The following SPMIP2 variants were observed in gnomAD, a reference collection of about 807,000 sequenced individuals.
SPMIP2 encodes protein SPMIP2.
At chr4:159,000,494 CTTTTT>C in the SPMIP2 span, among the ~76,000 whole-genome samples, 1 of 129,994 alleles carries the variant, frequency 7.7e-6, no homozygotes. Context: ...TCTTCTTCTT[CTTTTT>C]TTTTTTTTTT....
At chr4:159,035,937 C>T in the SPMIP2 span, among the ~76,000 whole-genome samples, 1 of 152,094 alleles carries the variant, frequency 6.6e-6, no homozygotes, top group African/African-American at 2.4e-5. Flanking sequence ...TTTTATCGAC[C>T]TCCCCACTAG....
At chr4:159,029,118 A>G in the SPMIP2 span, among the ~76,000 whole-genome samples, 1 of 152,214 alleles carries the variant, frequency 6.6e-6, no homozygotes, top group Non-Finnish European at 1.5e-5. Flanking sequence ...AACATTATTT[A>G]TAAAATCTCC....
the SPMIP2 span, among the ~76,000 whole-genome samples, chr4:158,990,890 G>T: frequency 6.6e-6 from 1 of 152,016 alleles, no homozygotes; most frequent in Non-Finnish European, 1.5e-5. Context: ...AACGTTTGCA[G>T]ATAGCTCAAA....
the SPMIP2 span, among the ~76,000 whole-genome samples, chr4:159,043,589 C>T: frequency 1.8e-4 from 27 of 152,284 alleles, no homozygotes; most frequent in East Asian, 4.8e-3. Flanking sequence ...CCTCATGATC[C>T]GCCCGCCTCG....
chr4:158,893,200 C>T, the SPMIP2 span: 6 of 152,722 alleles, frequency 3.9e-5, 1 homozygote, highest in Admixed American at 3.3e-4. Flanking sequence ...AGGGATATAA[C>T]TGCTTTTTAC....
the SPMIP2 span, among the ~76,000 whole-genome samples, chr4:159,004,526 G>C: frequency 3.5e-3 from 530 of 152,058 alleles, 4 homozygotes; most frequent in African/African-American, 0.012. Flanking sequence ...CTTGACTTCA[G>C]GTAATCTGCC....
the SPMIP2 span, among the ~76,000 whole-genome samples, chr4:159,042,674 T>C: frequency 5.3e-5 from 8 of 152,124 alleles, no homozygotes; most frequent in African/African-American, 1.9e-4. Flanking sequence ...TTTGTTTTTG[T>C]TTTTTTGAGA....
At chr4:158,961,762 C>T in the SPMIP2 span, among the ~76,000 whole-genome samples, 1 of 152,002 alleles carries the variant, frequency 6.6e-6, no homozygotes, top group African/African-American at 2.4e-5. Flanking sequence ...TCCCTATAAA[C>T]AATTTGTTAT....
chr4:158,980,648 G>C, the SPMIP2 span, among the ~76,000 whole-genome samples: 1 of 152,146 alleles, frequency 6.6e-6, no homozygotes, highest in Non-Finnish European at 1.5e-5. Flanking sequence ...AACAGAAATA[G>C]CATCAACATC....
At chr4:158,955,286 G>A in the SPMIP2 span, among the ~76,000 whole-genome samples, 1 of 152,132 alleles carries the variant, frequency 6.6e-6, no homozygotes, top group African/African-American at 2.4e-5. Context: ...TAAGAGTAAG[G>A]ACTCTGTGTA....
the SPMIP2 span, among the ~76,000 whole-genome samples, chr4:159,077,995 T>C: frequency 6.6e-6 from 1 of 151,900 alleles, no homozygotes. Flanking sequence ...ATAAATAACA[T>C]AGAAAAAAAG....
At chr4:158,893,673 A>G in the SPMIP2 span, 1 of 1,581,920 alleles carries the variant, frequency 6.3e-7, no homozygotes, top group Non-Finnish European at 8.6e-7. Flanking sequence ...TCTCCTTCTA[A>G]AAGCAGGTTG....
the SPMIP2 span, among the ~76,000 whole-genome samples, chr4:159,048,390 A>G: frequency 9.3e-4 from 141 of 152,338 alleles, no homozygotes; most frequent in African/African-American, 3.1e-3. Flanking sequence ...CACGTACAAC[A>G]TTCAAAATGT....
At chr4:158,956,912 T>C in the SPMIP2 span, among the ~76,000 whole-genome samples, 4 of 152,170 alleles carry the variant, frequency 2.6e-5, no homozygotes, top group Non-Finnish European at 5.9e-5. Flanking sequence ...AATCGTCTCC[T>C]GGCTGATGTT....
the SPMIP2 span, among the ~76,000 whole-genome samples, chr4:158,919,100 A>G: frequency 5.3e-5 from 8 of 152,198 alleles, no homozygotes; most frequent in African/African-American, 1.9e-4. Context: ...CAGGATATCT[A>G]TCATCCCCCC....
At chr4:159,050,822 AT>A in the SPMIP2 span, among the ~76,000 whole-genome samples, 1 of 151,738 alleles carries the variant, frequency 6.6e-6, no homozygotes, top group Non-Finnish European at 1.5e-5. Flanking sequence ...ATAAAAAAAA[AT>A]CTTGGCCAGG....
At chr4:159,068,183 T>C in the SPMIP2 span, among the ~76,000 whole-genome samples, 19 of 152,110 alleles carry the variant, frequency 1.2e-4, no homozygotes, top group African/African-American at 1.9e-4. Flanking sequence ...GGATTATAAA[T>C]CATGCTGCTA....
At chr4:158,941,009 C>G in the SPMIP2 span, among the ~76,000 whole-genome samples, 2 of 152,158 alleles carry the variant, frequency 1.3e-5, no homozygotes, top group African/African-American at 4.8e-5. Flanking sequence ...CTTCAAGAAG[C>G]ACCAATTTCT....
the SPMIP2 span, among the ~76,000 whole-genome samples, chr4:159,073,256 T>A: frequency 1.1e-4 from 16 of 152,064 alleles, no homozygotes; most frequent in African/African-American, 3.6e-4. Context: ...CAGGCTCAAG[T>A]GATGCTTCCA....
Sources: gnomAD v4.1 joint callset for allele counts (sites outside exome capture counted in the v4.1 genomes callset) on GRCh38, gnomAD v4.1.1 for gene constraint, MANE v1.5 for transcripts, NCBI Gene and HGNC (gene_info 2026-07-23, HGNC 2026-07-21) for gene names.